Variants in XKR4 observed in about 807,000 individuals in gnomAD.
XKR4 encodes XK related 4, also known as XK-related protein 4.
XKR4 carries 12 observed loss-of-function variants against 53.9 expected under a neutral mutation model. That is an observed-to-expected ratio of 0.22 (90% CI 0.14 to 0.36). The LOEUF (loss-of-function observed/expected upper bound fraction) is 0.36, where lower values mean the gene tolerates loss of function less well. Among genes scored for constraint, XKR4 ranks in the 10% least tolerant of loss-of-function variants. XKR4 has a pLI of 1.00. For missense variants in XKR4, 799 were observed against 859.5 expected (o/e 0.93, Z 0.88); for synonymous variants, 354 against 362.4 (o/e 0.98, Z 0.26).
In XKR4 at chr8:55,541,854, T is replaced by C. The variant is rs1324059847; in HGVS notation, c.*17627T>C. On this transcript the variant is annotated 3_prime_UTR_variant, in exon 3 of 3. Transcript: ENST00000327381. The stretch of plus-strand genomic sequence containing the variant: ...GCGGGAGGCCACTGTCAGCAGGCAG[T>C]GACCCCCAGTGCCCTAGTTTGAAGC... 6.6e-6 allele frequency: 1 copy of C among 152,156 alleles called. No individual in the cohort carries two copies. Among genetic ancestry groups the C allele is most frequent in the African/African-American group, 2.4e-5 (1 of 41,450 alleles). 9.4% of individuals were successfully genotyped at this position (152,156 alleles called of 1,614,324 possible).
chr8:55,447,568 T>A (rs1805365215), intron 2 of XKR4, among the ~76,000 whole-genome samples: 1 of 152,268 alleles, frequency 6.6e-6, no homozygotes, highest in Non-Finnish European at 1.5e-5. Context: ...CACTATCTAC[T>A]ATTATCATTA....
intron 1 of XKR4, among the ~76,000 whole-genome samples, chr8:55,271,023 G>A (rs1023559219): frequency 6.6e-6 from 1 of 152,146 alleles, no homozygotes; most frequent in South Asian, 2.1e-4. Context: ...CTCTGCTTGT[G>A]CTCAAGAAGA....
At chr8:55,114,493 C>T (rs549684149) in intron 1 of XKR4, among the ~76,000 whole-genome samples, 1 of 152,228 alleles carries the variant, frequency 6.6e-6, no homozygotes, top group East Asian at 1.9e-4. Flanking sequence ...GGCCAAAGCA[C>T]ATCATCACAA....
intron 1 of XKR4, among the ~76,000 whole-genome samples, chr8:55,290,170 C>T (rs1411484130): frequency 6.7e-6 from 1 of 150,216 alleles, no homozygotes; most frequent in Non-Finnish European, 1.5e-5. Flanking sequence ...CACCCTGTCA[C>T]CCGGGCTAGA....
chr8:55,358,274 A>G (rs1803851060), intron 2 of XKR4, among the ~76,000 whole-genome samples: 1 of 152,016 alleles, frequency 6.6e-6, no homozygotes, highest in South Asian at 2.1e-4. Flanking sequence ...GTGTGTGTGT[A>G]TATATGGTAT....
At chr8:55,154,805 T>C (rs1816883642) in intron 1 of XKR4, among the ~76,000 whole-genome samples, 1 of 152,194 alleles carries the variant, frequency 6.6e-6, no homozygotes, top group South Asian at 2.1e-4. Context: ...AGAAAGTGGT[T>C]ATAATTAATT....
At chr8:55,211,859 C>G (rs571856093) in intron 1 of XKR4, among the ~76,000 whole-genome samples, 3 of 152,282 alleles carry the variant, frequency 2.0e-5, no homozygotes, top group Admixed American at 1.3e-4. Flanking sequence ...CATGACAGAG[C>G]CCCAGAGGAT....
chr8:55,181,912 CATA>C (rs1357253241), intron 1 of XKR4, among the ~76,000 whole-genome samples: 2 of 152,022 alleles, frequency 1.3e-5, no homozygotes, highest in Non-Finnish European at 2.9e-5. Context: ...TCTTGATTTC[CATA>C]ATGCTATATG....
intron 2 of XKR4, among the ~76,000 whole-genome samples, chr8:55,487,262 A>G (rs1585601424): frequency 6.6e-6 from 1 of 152,146 alleles, no homozygotes; most frequent in African/African-American, 2.4e-5. Context: ...GCAGGAGAAA[A>G]GTCTGCCCCA....
chr8:55,268,567 G>A (rs1007554217), intron 1 of XKR4, among the ~76,000 whole-genome samples: 2 of 152,016 alleles, frequency 1.3e-5, no homozygotes, highest in African/African-American at 4.8e-5. Context: ...CAAAAGCAAG[G>A]CCCTATTTTA....
At chr8:55,307,363 C>T (rs1041842519) in intron 1 of XKR4, among the ~76,000 whole-genome samples, 1 of 152,104 alleles carries the variant, frequency 6.6e-6, no homozygotes, top group East Asian at 1.9e-4. Flanking sequence ...ACAGCATATA[C>T]AGGAGGGGTG....
intron 1 of XKR4, among the ~76,000 whole-genome samples, chr8:55,198,053 A>G (rs1273581038): frequency 6.6e-6 from 1 of 152,218 alleles, no homozygotes; most frequent in Non-Finnish European, 1.5e-5. Context: ...TTACTTGGCA[A>G]TGTCAGGCCC....
chr8:55,400,352 G>A (rs908037646), intron 2 of XKR4, among the ~76,000 whole-genome samples: 2 of 152,146 alleles, frequency 1.3e-5, no homozygotes, highest in Non-Finnish European at 2.9e-5. Context: ...GCTGAAAAAT[G>A]TCTAGTTCAG....
chr8:55,455,251 C>T (rs1190596699), intron 2 of XKR4: 12 of 180,060 alleles, frequency 6.7e-5, no homozygotes, highest in Non-Finnish European at 6.8e-5. Flanking sequence ...CGCTCCGCGG[C>T]GGCCGCAGCG....
intron 1 of XKR4, among the ~76,000 whole-genome samples, chr8:55,188,844 TTGGG>T (rs1817410274): frequency 6.6e-6 from 1 of 152,140 alleles, no homozygotes; most frequent in Non-Finnish European, 1.5e-5. Context: ...AATAGAGTTG[TTGGG>T]AGGATAAGCA....
chr8:55,251,413 G>C (rs191503073), intron 1 of XKR4, among the ~76,000 whole-genome samples: 1 of 152,210 alleles, frequency 6.6e-6, no homozygotes, highest in Non-Finnish European at 1.5e-5. Flanking sequence ...ATAAGTGGCA[G>C]TTGGCTCTTT....
intron 1 of XKR4, among the ~76,000 whole-genome samples, chr8:55,114,642 A>C (rs1816280672): frequency 6.6e-6 from 1 of 152,164 alleles, no homozygotes; most frequent in African/African-American, 2.4e-5. Context: ...AAAATGTAAA[A>C]CTGAAGAGAA....
At chr8:55,317,193 CAT>C (rs1227316891) in intron 1 of XKR4, among the ~76,000 whole-genome samples, 8 of 152,180 alleles carry the variant, frequency 5.3e-5, no homozygotes, top group Non-Finnish European at 7.3e-5. Context: ...TATAATCACT[CAT>C]GTGAAATATT....
intron 1 of XKR4, among the ~76,000 whole-genome samples, chr8:55,106,622 A>G (rs547559647): frequency 6.6e-6 from 1 of 152,152 alleles, no homozygotes. Flanking sequence ...CTTTTGATCA[A>G]TTGCCTCCAA....
Sources: allele counts gnomAD v4.1 joint callset (sites outside exome capture counted in the v4.1 genomes callset), GRCh38; gene constraint gnomAD v4.1.1; transcripts MANE v1.5; gene names NCBI Gene and HGNC (gene_info 2026-07-23, HGNC 2026-07-21).